The following SNTG1 variants were observed in gnomAD, a reference collection of about 807,000 sequenced individuals.
SNTG1 encodes the protein gamma-1-syntrophin.
Under a neutral mutation model 74.7 loss-of-function variants are expected in SNTG1, and 39 were observed. The ratio of observed to expected loss-of-function variants is 0.52; its 90% CI spans 0.40 to 0.68. The LOEUF (loss-of-function observed/expected upper bound fraction) is 0.68, where lower values mean the gene tolerates loss of function less well. Among genes scored for constraint, SNTG1 ranks in the 30% least tolerant of loss-of-function variants. The pLI is 0.00. For synonymous variants in SNTG1, 254 were observed against 217.1 expected (o/e 1.17, Z -1.49); for missense variants, 685 against 609.5 (o/e 1.12, Z -1.30).
intron 17 of SNTG1, among the ~76,000 whole-genome samples, chr8:50,729,957 G>A (rs1359607940): frequency 6.6e-6 from 1 of 152,170 alleles, no homozygotes; most frequent in African/African-American, 2.4e-5. Flanking sequence ...GCAGCTGGGA[G>A]ATGGGAGTGC....
chr8:50,611,247 C>G (rs377567297), intron 13 of SNTG1, among the ~76,000 whole-genome samples: 13 of 152,148 alleles, frequency 8.5e-5, no homozygotes, highest in Non-Finnish European at 1.5e-4. Flanking sequence ...AAATATACAG[C>G]ATCATCTCAC....
intron 17 of SNTG1, among the ~76,000 whole-genome samples, chr8:50,731,308 C>A (rs908016181): frequency 6.6e-6 from 1 of 151,846 alleles, no homozygotes; most frequent in African/African-American, 2.4e-5. Flanking sequence ...TGATCTCATT[C>A]GATGTAGGCA....
intron 1 of SNTG1, among the ~76,000 whole-genome samples, chr8:49,966,120 G>A (rs537052194): frequency 2.6e-4 from 40 of 152,186 alleles, no homozygotes; most frequent in African/African-American, 9.2e-4. Context: ...GTCTCTCTTG[G>A]ACTATTTTTC....
rs765635223 is a variant in SNTG1 at position 50,449,745 on chromosome 8, G to A, written c.277+20G>A. On this transcript the variant is annotated intron_variant, in intron 6 of 18. Transcript: ENST00000642720. Reference sequence around the variant, plus strand: ...AAAGAGGTAATATGTTTAGAGAATTGTGTACCAGCCATTTCTTTAAGGCAT... The same window carrying A: ...AAAGAGGTAATATGTTTAGAGAATTATGTACCAGCCATTTCTTTAAGGCAT... 1.3e-6 allele frequency: 2 copies of A among 1,550,442 alleles called. No individual in the cohort carries two copies. Among genetic ancestry groups the A allele is most frequent in the South Asian group, 2.5e-5 (2 of 79,626 alleles).
At chr8:50,575,023 T>C (rs905413952) in intron 12 of SNTG1, among the ~76,000 whole-genome samples, 2 of 152,200 alleles carry the variant, frequency 1.3e-5, no homozygotes, top group African/African-American at 4.8e-5. Flanking sequence ...TTCACATTTT[T>C]ATGAATTTTC....
At chr8:50,552,064 T>TGTGTAA (rs2094430432) in intron 11 of SNTG1, among the ~76,000 whole-genome samples, 17 of 152,272 alleles carry the variant, frequency 1.1e-4, no homozygotes, top group Non-Finnish European at 1.5e-4. Flanking sequence ...AACATATAAA[T>TGTGTAA]TTACACATTT....
chr8:50,502,787 C>A lies in SNTG1; in HGVS notation c.373C>A (p.Leu125Ile), dbSNP rs1380415579. 3 of 1,612,128 alleles carry A rather than the reference C, an allele frequency of 1.9e-6. No homozygotes were observed. Among genetic ancestry groups the A allele is most frequent in the Middle Eastern group, 1.6e-4 (1 of 6,066 alleles). The stretch of plus-strand genomic sequence containing the variant: ...TTATTCTTTTTTTCAGGTTCAGGTT[C>A]TTCGGAATGCTGGAGAAGAAGTGAC... ...KCRHEEVVQV[L>I]RNAGEEVTLT... The change falls in exon 9 of 19, where the codon CTT (leucine) becomes ATT (isoleucine). Residue 125 changes from leucine (L) to isoleucine (I), a missense_variant. By Grantham distance (5) the Leu-to-Ile change is conservative. Transcript: ENST00000642720.
chr8:50,441,174 G>A (rs1029286335), intron 5 of SNTG1, among the ~76,000 whole-genome samples: 1 of 152,106 alleles, frequency 6.6e-6, no homozygotes, highest in African/African-American at 2.4e-5. Flanking sequence ...CAGCGGCTGT[G>A]GGCTGTGGGC....
At chr8:50,571,355 A>G (rs2094548297) in intron 12 of SNTG1, among the ~76,000 whole-genome samples, 1 of 152,202 alleles carries the variant, frequency 6.6e-6, no homozygotes, top group Non-Finnish European at 1.5e-5. Flanking sequence ...ATGTGGGGTA[A>G]TTGATCCCCA....
intron 1 of SNTG1, among the ~76,000 whole-genome samples, chr8:49,965,587 A>G (rs906414574): frequency 2.0e-5 from 3 of 152,194 alleles, no homozygotes; most frequent in Admixed American, 6.5e-5. Flanking sequence ...AAATCTCCAT[A>G]AGCAGACACT....
chr8:50,656,503 C>T (rs965084777), intron 13 of SNTG1, among the ~76,000 whole-genome samples: 2 of 152,110 alleles, frequency 1.3e-5, no homozygotes, highest in Non-Finnish European at 2.9e-5. Flanking sequence ...GCTTTCTTTA[C>T]TCACTTCAAC....
chr8:50,151,086 A>AG (rs2082052001), intron 1 of SNTG1, among the ~76,000 whole-genome samples: 1 of 152,120 alleles, frequency 6.6e-6, no homozygotes, highest in Non-Finnish European at 1.5e-5. Context: ...CCTCAATTTC[A>AG]GAGCCTGTTA....
chr8:50,187,240 G>A (rs1253287810), intron 2 of SNTG1, among the ~76,000 whole-genome samples: 1 of 152,038 alleles, frequency 6.6e-6, no homozygotes, highest in Non-Finnish European at 1.5e-5. Context: ...CAAAGCTGGA[G>A]GCACCCTGCT....
At chr8:50,759,958 G>A (rs2095593250) in intron 18 of SNTG1, among the ~76,000 whole-genome samples, 1 of 152,076 alleles carries the variant, frequency 6.6e-6, no homozygotes, top group Admixed American at 6.6e-5. Context: ...TCATGATATT[G>A]ATTTTTTCTA....
chr8:50,652,438 A>G (rs1289048629), intron 13 of SNTG1, among the ~76,000 whole-genome samples: 1 of 152,132 alleles, frequency 6.6e-6, no homozygotes, highest in African/African-American at 2.4e-5. Flanking sequence ...AACTTGTTCT[A>G]CAATTATCAG....
chr8:50,138,886 A>G (rs2081568209), intron 1 of SNTG1, among the ~76,000 whole-genome samples: 1 of 152,088 alleles, frequency 6.6e-6, no homozygotes, highest in Admixed American at 6.6e-5. Flanking sequence ...TGTTTATATG[A>G]TATACAGTGT....
At chr8:50,271,185 A>T (rs535959275) in intron 2 of SNTG1, among the ~76,000 whole-genome samples, 1 of 152,306 alleles carries the variant, frequency 6.6e-6, no homozygotes, top group African/African-American at 2.4e-5. Flanking sequence ...AAGTGTTATT[A>T]AAAATATGTC....
intron 12 of SNTG1, among the ~76,000 whole-genome samples, chr8:50,561,653 G>A (rs112642509): frequency 0.043 from 6,600 of 152,168 alleles, 265 homozygotes; most frequent in African/African-American, 0.097. Flanking sequence ...TAAAAATCAT[G>A]AAATCTCAGA....
chr8:50,512,745 G>A (rs145689223), intron 9 of SNTG1, among the ~76,000 whole-genome samples: 1,860 of 152,074 alleles, frequency 0.012, 42 homozygotes, highest in African/African-American at 0.042. Context: ...TGTAGTTCTC[G>A]TACCTTGGTT....
Sources: allele counts gnomAD v4.1 joint callset (sites outside exome capture counted in the v4.1 genomes callset), GRCh38; gene constraint gnomAD v4.1.1; transcripts MANE v1.5; gene names NCBI Gene and HGNC (gene_info 2026-07-23, HGNC 2026-07-21).